The following NCKAP5 variants were observed in gnomAD, a reference collection of about 807,000 sequenced individuals.
NCKAP5 encodes NCK associated protein 5.
In NCKAP5, 92 loss-of-function variants were observed where a neutral mutation model predicts 167.0. The observed-to-expected ratio is 0.55, with a 90% CI of 0.47 to 0.66. The LOEUF (loss-of-function observed/expected upper bound fraction) is 0.66. Among genes scored for constraint, NCKAP5 ranks in the 30% least tolerant of loss-of-function variants. NCKAP5 has a pLI of 0.00. For synonymous variants in NCKAP5, 891 were observed against 877.4 expected (o/e 1.02, Z -0.27); for missense variants, 2,378 against 2,315.0 (o/e 1.03, Z -0.56).
Position 133,030,058 on chromosome 2 carries a change from C to T in NCKAP5, c.342-35819G>A, listed in dbSNP as rs551355105. ...AGAAGCTGTTGGTCAAAACCCCCTC[C>T]GACACAGAAACAGTGTTTCAGAAAT... On this transcript the variant is annotated intron_variant, in intron 6 of 19. Coordinates refer to ENST00000409261, the MANE Select transcript of NCKAP5 (RefSeq NM_207363.3). 3.3e-4 allele frequency among the ~76,000 whole-genome samples: 50 copies of T among 152,278 alleles called. 1 individual carries two copies. The highest frequency in any genetic ancestry group is 9.8e-4 in the Admixed American group (15 of 15,294).
chr2:132,887,601 C>A (rs1231565484), intron 8 of NCKAP5, among the ~76,000 whole-genome samples: 1 of 152,146 alleles, frequency 6.6e-6, no homozygotes, highest in Admixed American at 6.5e-5. Flanking sequence ...CGTGTTCCTT[C>A]CAGGGCTGTG....
chr2:133,307,813 C>T (rs139553785), intron 3 of NCKAP5, among the ~76,000 whole-genome samples: 2,956 of 152,154 alleles, frequency 0.019, 60 homozygotes, highest in South Asian at 0.037. Flanking sequence ...TATGCATTAT[C>T]TATGCACATA....
At chr2:133,649,982 A>G in the NCKAP5 span, among the ~76,000 whole-genome samples, 5 of 152,186 alleles carry the variant, frequency 3.3e-5, no homozygotes, top group African/African-American at 7.2e-5. Flanking sequence ...AAAAATAAAT[A>G]AATAAAACTG....
chr2:132,856,701 G>A (rs1039252692), intron 11 of NCKAP5, among the ~76,000 whole-genome samples: 2 of 152,142 alleles, frequency 1.3e-5, no homozygotes, highest in Non-Finnish European at 2.9e-5. Context: ...CTTAGATGCC[G>A]CATTTCAGAA....
intron 7 of NCKAP5, 49 bp from the exon 8 acceptor site, chr2:132,963,918 A>C (rs1266233615): frequency 6.2e-7 from 1 of 1,601,890 alleles, no homozygotes; most frequent in Middle Eastern, 1.7e-4. Flanking sequence ...GTGAAAAATA[A>C]GCATGAGTGT....
At chr2:133,324,681 T>C (rs1682305071) in intron 3 of NCKAP5, among the ~76,000 whole-genome samples, 1 of 152,148 alleles carries the variant, frequency 6.6e-6, no homozygotes, top group Non-Finnish European at 1.5e-5. Context: ...AAAATATATA[T>C]ATACATTCTA....
Position 132,712,377 on chromosome 2 carries a change from C to T in NCKAP5, c.5713+13250G>A, listed in dbSNP as rs541501338. On this transcript the variant is annotated intron_variant, in intron 19 of 19. Coordinates refer to ENST00000409261, the MANE Select transcript of NCKAP5 (RefSeq NM_207363.3). ...GAACTATGTTGGGATTCAGGCCTGG[C>T]GGGGTGGCTCACTCCTGTAATCCCA... Among the ~76,000 whole-genome samples the T allele has an allele frequency of 9.9e-5, 15 of 152,242 alleles. No homozygotes were observed. In the East Asian group the frequency reaches 1.4e-3, roughly 14 times the overall value.
intron 2 of NCKAP5, among the ~76,000 whole-genome samples, chr2:133,542,205 A>G (rs1205784647): frequency 2.0e-5 from 3 of 152,202 alleles, no homozygotes; most frequent in Non-Finnish European, 4.4e-5. Flanking sequence ...ACGAATGTCT[A>G]TGACAATACA....
chr2:133,370,783 T>A (rs1685758081), intron 3 of NCKAP5, among the ~76,000 whole-genome samples: 1 of 152,084 alleles, frequency 6.6e-6, no homozygotes, highest in South Asian at 2.1e-4. Flanking sequence ...TTTTTCTTTT[T>A]TTCCCCCAAA....
chr2:132,980,173 G>A (rs1013196134), intron 7 of NCKAP5, among the ~76,000 whole-genome samples: 1 of 151,300 alleles, frequency 6.6e-6, no homozygotes, highest in Non-Finnish European at 1.5e-5. Flanking sequence ...ATATTTTTTT[G>A]TAGAGACGGA....
chr2:132,697,519 T>A (rs58236296), intron 19 of NCKAP5, among the ~76,000 whole-genome samples: 3,591 of 152,054 alleles, frequency 0.024, 140 homozygotes, highest in African/African-American at 0.081. Context: ...AACATTAACA[T>A]AAATAGAAAG....
intron 5 of NCKAP5, among the ~76,000 whole-genome samples, chr2:133,186,254 T>C (rs577644693): frequency 6.6e-6 from 1 of 152,168 alleles, no homozygotes; most frequent in East Asian, 1.9e-4. Flanking sequence ...TGATGAATCA[T>C]GCTTATTGAT....
intron 6 of NCKAP5, among the ~76,000 whole-genome samples, chr2:133,082,605 C>T (rs1412209583): frequency 6.6e-6 from 1 of 152,096 alleles, no homozygotes; most frequent in African/African-American, 2.4e-5. Flanking sequence ...TGTTGAAGCT[C>T]AGCTGGGCAT....
At chr2:133,183,887 T>C (rs1013823036) in intron 5 of NCKAP5, among the ~76,000 whole-genome samples, 3 of 152,174 alleles carry the variant, frequency 2.0e-5, no homozygotes, top group Non-Finnish European at 2.9e-5. Flanking sequence ...GATACAAGAT[T>C]AGCACCCAAA....
intron 5 of NCKAP5, among the ~76,000 whole-genome samples, chr2:133,204,073 T>C (rs1436128921): frequency 6.6e-6 from 1 of 152,236 alleles, no homozygotes; most frequent in Admixed American, 6.5e-5. Context: ...GTGTCAGGCT[T>C]AGACGTGCCT....
chr2:133,320,078 G>A (rs548020150), intron 3 of NCKAP5, among the ~76,000 whole-genome samples: 33 of 152,200 alleles, frequency 2.2e-4, no homozygotes. Flanking sequence ...CACATGTATG[G>A]ATGCAAAAAT....
chr2:132,822,533 T>A (rs1686826079), intron 11 of NCKAP5, among the ~76,000 whole-genome samples: 1 of 152,196 alleles, frequency 6.6e-6, no homozygotes, highest in Non-Finnish European at 1.5e-5. Flanking sequence ...GAGCACCCCG[T>A]GGGACAAGAG....
chr2:133,249,277 C>T (rs1056711829), intron 4 of NCKAP5, among the ~76,000 whole-genome samples: 2 of 152,038 alleles, frequency 1.3e-5, no homozygotes, highest in Non-Finnish European at 2.9e-5. Context: ...GAAAGGAACT[C>T]GAAAGAGTCA....
chr2:133,444,918 T>C (rs1691100634), intron 3 of NCKAP5, among the ~76,000 whole-genome samples: 1 of 152,334 alleles, frequency 6.6e-6, no homozygotes, highest in Non-Finnish European at 1.5e-5. Flanking sequence ...TGAAGAATTA[T>C]TTTAACTAAT....
Sources: gnomAD v4.1 joint callset for allele counts (sites outside exome capture counted in the v4.1 genomes callset) on GRCh38, gnomAD v4.1.1 for gene constraint, MANE v1.5 for transcripts, NCBI Gene and HGNC (gene_info 2026-07-23, HGNC 2026-07-21) for gene names.